The following CFAP36 variants were observed in gnomAD, a reference collection of about 807,000 sequenced individuals.
CFAP36 encodes cilia- and flagella-associated protein 36.
A neutral mutation model predicts 50.5 loss-of-function variants in CFAP36; 37 were observed. The ratio of observed to expected loss-of-function variants is 0.73; its 90% CI spans 0.56 to 0.96. CFAP36 has a LOEUF of 0.96. Among genes scored for constraint, CFAP36 ranks in the 50% least tolerant of loss-of-function variants. The pLI, the probability that CFAP36 is intolerant of heterozygous loss-of-function variation, is 0.00. For synonymous variants in CFAP36, 138 were observed against 128.2 expected, an observed-to-expected ratio of 1.08 and a Z score of -0.52; for missense variants, 407 against 396.2, an observed-to-expected ratio of 1.03 and a Z score of -0.23.
chr2:55,520,410 T>C, intron 1 of CFAP36: 2 of 1,544,466 alleles, frequency 1.3e-6, no homozygotes, highest in Non-Finnish European at 1.7e-6. Flanking sequence ...AACAGTTAAC[T>C]GCAAAGGAGG....
rs747505109 is a variant in CFAP36 at position 55,533,927 on chromosome 2, A to G, written c.452A>G (p.His151Arg). The G allele has an allele frequency of 5.6e-6, 9 of 1,611,358 alleles. No homozygotes were observed. The highest frequency in any genetic ancestry group is 6.8e-6 in the Non-Finnish European group (8 of 1,178,374). The change falls in exon 5 of 10, where the codon CAC becomes CGC. Residue 151 changes from histidine (H) to arginine (R), a missense_variant. Transcript: ENST00000349456. ...DGSDVVSDLE[H>R]EEMKILREVL... is the part of the protein sequence containing the mutation. ...TCTGATGTGGTCAGTGACCTTGAAC[A>G]CGAAGAGATGAAAATCCTGAGGGAA...
intron 7 of CFAP36, 98 bp from the exon 8 acceptor site, chr2:55,543,840 A>G (rs2103672938): frequency 8.5e-7 from 1 of 1,174,490 alleles, no homozygotes; most frequent in South Asian, 1.4e-5. Context: ...GAGGAAAAAC[A>G]AGTATTATTA....
chr2:55,521,947 G>T (rs1217647273), intron 1 of CFAP36, among the ~76,000 whole-genome samples, 155 bp from the exon 2 acceptor site: 1 of 152,006 alleles, frequency 6.6e-6, no homozygotes, highest in Non-Finnish European at 1.5e-5. Context: ...TATATTTTTA[G>T]ATATATTCAT....
chr2:55,520,503 ACC>A (rs1574609211), intron 1 of CFAP36: 1 of 1,523,938 alleles, frequency 6.6e-7, no homozygotes, highest in Non-Finnish European at 8.8e-7. Context: ...TCTTCGCTAT[ACC>A]AAAAATTGGC....
chr2:55,538,916 T>C, intron 7 of CFAP36: 1 of 1,440,448 alleles, frequency 6.9e-7, no homozygotes, highest in Non-Finnish European at 9.1e-7. Context: ...TGTTTACCCA[T>C]TAATTTTTTA....
chr2:55,529,213 A>G (rs1338484767), intron 4 of CFAP36, among the ~76,000 whole-genome samples: 1 of 152,030 alleles, frequency 6.6e-6, no homozygotes, highest in Admixed American at 6.6e-5. Flanking sequence ...TGAGGTCAGG[A>G]GATCGAGACC....
chr2:55,542,739 A>G (rs1684669256), intron 7 of CFAP36, among the ~76,000 whole-genome samples: 1 of 152,148 alleles, frequency 6.6e-6, no homozygotes, highest in South Asian at 2.1e-4. Flanking sequence ...AATTATTTGA[A>G]CTGTCCCTTC....
Position 55,533,975 on chromosome 2 carries a change from T to A in CFAP36, c.485+15T>A. ...GAAGTTCTTAGGTACCATTCTTTAA[T>A]TGTTTTTTAAATGAATCATTATTAA... On this transcript the variant is annotated intron_variant, in intron 5 of 9. Coordinates refer to ENST00000349456, the MANE Select transcript of CFAP36 (RefSeq NM_080667.7). The A allele has an allele frequency of 6.7e-7, 1 of 1,502,344 alleles. No homozygotes were observed. The highest frequency in any genetic ancestry group is 9.2e-7 in the Non-Finnish European group (1 of 1,084,932). The allele number at this position is 1,502,344 out of a possible 1,614,324, so 93.1% of individuals were successfully genotyped here. A position where few individuals can be genotyped will look rare whatever the true frequency, so the allele number is the denominator to read the frequency against.
At chr2:55,522,401 T>G (rs556822955) in intron 2 of CFAP36, among the ~76,000 whole-genome samples, 1 of 152,350 alleles carries the variant, frequency 6.6e-6, no homozygotes, top group Non-Finnish European at 1.5e-5. Context: ...GGTTCTTGCA[T>G]GTATTCTTTA....
chr2:55,533,848 T>G, intron 4 of CFAP36, 25 bp from the exon 5 acceptor site: 1 of 1,458,504 alleles, frequency 6.9e-7, no homozygotes, highest in Non-Finnish European at 9.5e-7. Context: ...TGATACTATT[T>G]CATGTGGTCT....
At chr2:55,520,918 C>T (rs747682393) in intron 1 of CFAP36, among the ~76,000 whole-genome samples, 3 of 152,100 alleles carry the variant, frequency 2.0e-5, no homozygotes, top group Non-Finnish European at 2.9e-5. Flanking sequence ...ATGAGCTTCC[C>T]GGCTCCAGCA....
At chr2:55,523,686 T>A (rs1334674062) in intron 2 of CFAP36, 35 bp from the exon 3 acceptor site, 4 of 1,381,344 alleles carry the variant, frequency 2.9e-6, no homozygotes, top group Non-Finnish European at 4.0e-6. Flanking sequence ...AGAATTTTTC[T>A]ATGTAATTAT....
chr2:55,537,057 T>C (rs1422029710), intron 6 of CFAP36, among the ~76,000 whole-genome samples: 1 of 152,200 alleles, frequency 6.6e-6, no homozygotes, highest in Non-Finnish European at 1.5e-5. Flanking sequence ...GTATATACTT[T>C]CTTATAAGAG....
rs764269561 is a variant in CFAP36, at chr2:55,519,776, C to A, written c.-26C>A. ...GGGTCCGGCGGTCTGGCCTAGGGAT[C>A]TTCCCCGTTGCCCCTTTGGGGCGGG... On this transcript the variant is annotated 5_prime_UTR_variant, in exon 1 of 10. Coordinates refer to ENST00000349456, the MANE Select transcript of CFAP36 (RefSeq NM_080667.7). The A allele has an allele frequency of 1.2e-6, 2 of 1,612,844 alleles. No homozygotes were observed. The highest frequency in any genetic ancestry group is 2.2e-5 in the East Asian group (1 of 44,878).
chr2:55,543,839 C>A, intron 7 of CFAP36, 99 bp from the exon 8 acceptor site: 1 of 1,171,156 alleles, frequency 8.5e-7, no homozygotes, highest in Non-Finnish European at 1.2e-6. Context: ...TGAGGAAAAA[C>A]AAGTATTATT....
chr2:55,534,707 G>A (rs1558912150), intron 5 of CFAP36, among the ~76,000 whole-genome samples: 1 of 152,136 alleles, frequency 6.6e-6, no homozygotes, highest in African/African-American at 2.4e-5. Context: ...GCAGACTGTG[G>A]CCTTGGCCTT....
intron 5 of CFAP36, among the ~76,000 whole-genome samples, chr2:55,535,287 A>G (rs1684451431): frequency 6.6e-6 from 1 of 152,204 alleles, no homozygotes; most frequent in South Asian, 2.1e-4. Context: ...CAAGTGCTTG[A>G]TGATAGCTCA....
At chr2:55,538,235 T>C (rs560550600) in intron 7 of CFAP36, among the ~76,000 whole-genome samples, 1 of 152,186 alleles carries the variant, frequency 6.6e-6, no homozygotes, top group South Asian at 2.1e-4. Flanking sequence ...AAATGTCCTT[T>C]TCTCAATTAA....
intron 3 of CFAP36, among the ~76,000 whole-genome samples, chr2:55,525,033 A>G (rs942951017): frequency 6.6e-6 from 1 of 152,082 alleles, no homozygotes; most frequent in African/African-American, 2.4e-5. Flanking sequence ...ATATTAAGCA[A>G]ATAGTCCAAA....
Sources: allele counts gnomAD v4.1 joint callset (sites outside exome capture counted in the v4.1 genomes callset), GRCh38; gene constraint gnomAD v4.1.1; transcripts MANE v1.5; gene names NCBI Gene and HGNC (gene_info 2026-07-23, HGNC 2026-07-21).